The following SHISA6 variants were observed in gnomAD, a reference collection of about 807,000 sequenced individuals.
SHISA6 encodes the protein protein shisa-6.
In SHISA6, 22 loss-of-function variants were observed where a neutral mutation model predicts 47.9. The observed-to-expected ratio is 0.46, with a 90% confidence interval of 0.33 to 0.66. The LOEUF (loss-of-function observed/expected upper bound fraction) is 0.66. Among genes scored for constraint, SHISA6 ranks in the 30% least tolerant of loss-of-function variants. SHISA6 has a pLI of 0.02. For synonymous variants in SHISA6, 388 were observed against 337.8 expected, an observed-to-expected ratio of 1.15 and a Z score of -1.63; for missense variants, 680 against 764.6, an observed-to-expected ratio of 0.89 and a Z score of 1.30.
chr17:11,304,833 A>G (rs889049142), intron 2 of SHISA6, among the ~76,000 whole-genome samples: 5 of 152,128 alleles, frequency 3.3e-5, no homozygotes, highest in African/African-American at 1.2e-4. Context: ...GGTGCCAGGC[A>G]GGTCTCACTG....
chr17:11,356,167 G>A (rs940536248), intron 2 of SHISA6, among the ~76,000 whole-genome samples: 4 of 152,196 alleles, frequency 2.6e-5, no homozygotes, highest in African/African-American at 9.7e-5. Flanking sequence ...TTAGCTTAAT[G>A]AGCAAACCAT....
intron 2 of SHISA6, among the ~76,000 whole-genome samples, chr17:11,351,694 T>A (rs1911898404): frequency 6.6e-6 from 1 of 152,252 alleles, no homozygotes; most frequent in Admixed American, 6.5e-5. Flanking sequence ...TTTCTGCACC[T>A]TCATCCTCTG....
In SHISA6 at chr17:11,366,996, T is replaced by A. The variant is rs35102970; in HGVS notation, c.800-12418T>A. On this transcript the variant is annotated intron_variant, in intron 2 of 5. Transcript: ENST00000441885. ...CTTTAATCCATATGATAAGGATTTA[T>A]GGTGATAAGAAGAACGGAAAGGAGA... is the stretch of plus-strand genomic sequence containing the variant. Among the ~76,000 whole-genome samples the A allele has an allele frequency of 7.9e-3, 1,200 of 152,232 alleles. 4 individuals are homozygous for A. Among genetic ancestry groups the A allele is most frequent in the Non-Finnish European group, 0.013 (874 of 68,008 alleles).
At chr17:11,536,608 C>A (rs1169481068) in intron 3 of SHISA6, among the ~76,000 whole-genome samples, 2 of 152,106 alleles carry the variant, frequency 1.3e-5, no homozygotes, top group Non-Finnish European at 2.9e-5. Context: ...ACAGCAATCC[C>A]ACTTCAGAGG....
At chr17:11,258,896 G>A (rs543066958) in intron 1 of SHISA6, among the ~76,000 whole-genome samples, 1 of 152,324 alleles carries the variant, frequency 6.6e-6, no homozygotes, top group East Asian at 1.9e-4. Context: ...CCATTACAGG[G>A]ACATAGTAGG....
chr17:11,335,658 C>T (rs1911292796), intron 2 of SHISA6, among the ~76,000 whole-genome samples: 1 of 152,114 alleles, frequency 6.6e-6, no homozygotes, highest in Admixed American at 6.5e-5. Context: ...GAACTTCCCT[C>T]CCAAGGAAAC....
intron 3 of SHISA6, among the ~76,000 whole-genome samples, chr17:11,426,127 A>C (rs1457143434): frequency 6.6e-6 from 1 of 152,252 alleles, no homozygotes; most frequent in Non-Finnish European, 1.5e-5. Context: ...ACAAATGTTC[A>C]CCAACCAGCA....
intron 2 of SHISA6, among the ~76,000 whole-genome samples, chr17:11,343,349 G>A (rs1911598467): frequency 6.6e-6 from 1 of 152,126 alleles, no homozygotes; most frequent in Non-Finnish European, 1.5e-5. Context: ...AGGATCAGTG[G>A]CTTACCTTGA....
intron 3 of SHISA6, among the ~76,000 whole-genome samples, chr17:11,421,473 C>G (rs1327734230): frequency 6.6e-6 from 1 of 152,176 alleles, no homozygotes; most frequent in African/African-American, 2.4e-5. Context: ...TACCATGAAT[C>G]TAGAGGCTGG....
intron 1 of SHISA6, among the ~76,000 whole-genome samples, chr17:11,242,524 C>T (rs367787581): frequency 1.8e-4 from 27 of 152,122 alleles, no homozygotes; most frequent in African/African-American, 5.6e-4. Context: ...GAGATGTTCT[C>T]GTACATTAGG....
At chr17:11,358,817 G>A (rs553480942) in intron 2 of SHISA6, among the ~76,000 whole-genome samples, 1 of 151,732 alleles carries the variant, frequency 6.6e-6, no homozygotes, top group South Asian at 2.1e-4. Context: ...GACTACAGAT[G>A]CCTGGCAAAT....
At chr17:11,391,107 G>T (rs759045119) in intron 3 of SHISA6, among the ~76,000 whole-genome samples, 3 of 152,156 alleles carry the variant, frequency 2.0e-5, no homozygotes, top group Non-Finnish European at 2.9e-5. Context: ...TATTTCAGGT[G>T]GGGGAGCCTC....
At chr17:11,247,265 A>G (rs1214547278) in intron 1 of SHISA6, among the ~76,000 whole-genome samples, 2 of 152,238 alleles carry the variant, frequency 1.3e-5, no homozygotes. Context: ...CGGATCCGGA[A>G]TAAAAGGGAA....
At chr17:11,440,720 T>A (rs934339407) in intron 3 of SHISA6, among the ~76,000 whole-genome samples, 2 of 151,608 alleles carry the variant, frequency 1.3e-5, no homozygotes, top group Non-Finnish European at 2.9e-5. Context: ...ATGGAGACTC[T>A]TGTTAGTCTT....
intron 3 of SHISA6, among the ~76,000 whole-genome samples, chr17:11,474,036 G>A (rs1324810546): frequency 6.6e-6 from 1 of 151,992 alleles, no homozygotes; most frequent in Non-Finnish European, 1.5e-5. Context: ...GTGTTAGTTT[G>A]TTGAGAATGA....
chr17:11,543,910 C>CAAAAAA (rs200573876), intron 3 of SHISA6, among the ~76,000 whole-genome samples: 3 of 96,388 alleles, frequency 3.1e-5, no homozygotes, highest in Admixed American at 1.0e-4. Context: ...TATTTATAAG[C>CAAAAAA]AAAAAAAAAA....
chr17:11,376,686 G>A (rs1343042911), intron 2 of SHISA6, among the ~76,000 whole-genome samples: 3 of 152,088 alleles, frequency 2.0e-5, no homozygotes, highest in Non-Finnish European at 4.4e-5. Context: ...ATTAAACTTT[G>A]GAGGCTACAG....
chr17:11,242,383 G>A lies in SHISA6; in HGVS notation c.638+323G>A, dbSNP rs532845418. ...ATCCAGGGTTCTGCTTTCCTGGCAT[G>A]AGGGCACTTTGGTGTAGGTTCTTAA... On this transcript the variant is annotated intron_variant, in intron 1 of 5. Coordinates refer to ENST00000441885, the MANE Select transcript of SHISA6 (RefSeq NM_207386.4). 5.3e-4 allele frequency among the ~76,000 whole-genome samples: 81 copies of A among 152,320 alleles called. 1 individual carries two copies. Among genetic ancestry groups the A allele is most frequent in the African/African-American group, 1.8e-3 (73 of 41,568 alleles).
In SHISA6 at chr17:11,476,071, T is replaced by C. The variant is rs577514850; in HGVS notation, c.896-75825T>C. Among the ~76,000 whole-genome samples the C allele has an allele frequency of 1.5e-4, 23 of 152,200 alleles. No homozygotes were observed. The South Asian group carries it at 4.8e-3, about 32-fold the overall frequency. Reference sequence around the variant, plus strand: ...ATCTAGGTTATATAATTTGTGGGCATAGAGTTTTTCATAGTACTTCTTTAT... The same window carrying C: ...ATCTAGGTTATATAATTTGTGGGCACAGAGTTTTTCATAGTACTTCTTTAT... On this transcript the variant is annotated intron_variant, in intron 3 of 5. Coordinates refer to ENST00000441885, the MANE Select transcript of SHISA6 (RefSeq NM_207386.4).
Sources: gnomAD v4.1 joint callset for allele counts (sites outside exome capture counted in the v4.1 genomes callset) on GRCh38, gnomAD v4.1.1 for gene constraint, MANE v1.5 for transcripts, NCBI Gene and HGNC (gene_info 2026-07-23, HGNC 2026-07-21) for gene names.